The following NDFIP2 variants were observed in gnomAD, a reference collection of about 807,000 sequenced individuals.
NDFIP2 encodes the protein NEDD4 family-interacting protein 2.
NDFIP2 carries 19 observed loss-of-function variants against 36.0 expected under a neutral mutation model. The ratio of observed to expected loss-of-function variants is 0.53; its 90% CI spans 0.37 to 0.77. The LOEUF (loss-of-function observed/expected upper bound fraction) is 0.77. NDFIP2 is among the 30% of genes least tolerant of loss of function. NDFIP2 has a pLI of 0.00. For synonymous variants in NDFIP2, 181 were observed against 167.7 expected, an observed-to-expected ratio of 1.08 and a Z score of -0.61; for missense variants, 446 against 435.8, an observed-to-expected ratio of 1.02 and a Z score of -0.21.
chr13:79,545,262 GT>G (rs1212347744), intron 5 of NDFIP2, among the ~76,000 whole-genome samples: 11 of 152,248 alleles, frequency 7.2e-5, no homozygotes, highest in Admixed American at 7.2e-4. Context: ...TAAGAAAGAA[GT>G]TAATGCATCT....
chr13:79,551,098 C>G lies in NDFIP2; in HGVS notation c.989C>G (p.Thr330Arg). 1.3e-6 allele frequency: 2 copies of G among 1,596,960 alleles called. No homozygotes were observed. Among genetic ancestry groups the G allele is most frequent in the Non-Finnish European group, 1.7e-6 (2 of 1,169,626 alleles). The change falls in exon 7 of 8, where the codon ACA becomes AGA. Residue 330 changes from threonine to arginine, a missense_variant. By Grantham distance (71) the Thr-to-Arg change is moderately conservative. Around this residue, in one of 2 missense-constraint regions of NDFIP2, gnomAD observed 77 missense variants for 131.0 expected, o/e 0.59. Coordinates refer to ENST00000218652, the MANE Select transcript of NDFIP2 (RefSeq NM_019080.3). ...GAAAGTATGGCAGCTGCTCATAGAACAAGGTATTTCTTCTTATTGTAGAGG... is the reference window on the plus strand; with the variant it reads ...GAAAGTATGGCAGCTGCTCATAGAAGAAGGTATTTCTTCTTATTGTAGAGG... Reference protein sequence around the residue: ...MSESMAAAHRTRYFFLL With the variant: ...MSESMAAAHRRRYFFLL
At chr13:79,523,728 G>T (rs1489909287) in intron 2 of NDFIP2, among the ~76,000 whole-genome samples, 1 of 152,158 alleles carries the variant, frequency 6.6e-6, no homozygotes, top group Non-Finnish European at 1.5e-5. Context: ...TATATGATGA[G>T]ATGAAGTGAG....
intron 1 of NDFIP2, among the ~76,000 whole-genome samples, chr13:79,512,871 T>C (rs1042480961): frequency 2.0e-5 from 3 of 152,244 alleles, no homozygotes; most frequent in African/African-American, 4.8e-5. Flanking sequence ...GGGCTGGTCC[T>C]GTGGTTGTAG....
Position 79,481,175 on chromosome 13 carries a change from C to G in NDFIP2, c.-29C>G, listed in dbSNP as rs1376880283. 6.8e-7 allele frequency: 1 copy of G among 1,462,186 alleles called. No homozygotes were observed. Among genetic ancestry groups the G allele is most frequent in the South Asian group, 1.4e-5 (1 of 72,202 alleles). The allele number at this position is 1,462,186 out of a possible 1,614,324, so 90.6% of individuals were successfully genotyped here. ...GCCTTACTTTTCCATCTCCTCCCAC[C>G]CAGCTATACCCTCCCACTGGCGGCG... is the stretch of plus-strand genomic sequence containing the variant. On this transcript the variant is annotated 5_prime_UTR_variant, in exon 1 of 8. Coordinates refer to ENST00000218652, the MANE Select transcript of NDFIP2 (RefSeq NM_019080.3).
At chr13:79,517,779 A>G (rs868067657) in intron 1 of NDFIP2, among the ~76,000 whole-genome samples, 1 of 152,264 alleles carries the variant, frequency 6.6e-6, no homozygotes, top group South Asian at 2.1e-4. Flanking sequence ...CATTTTAGTT[A>G]TTTGAGTAAA....
In NDFIP2 at chr13:79,481,427, T is replaced by G. The variant is rs1594835528; in HGVS notation, c.224T>G (p.Val75Gly). 6.4e-7 allele frequency: 1 copy of G among 1,559,388 alleles called. No homozygotes were observed. The highest frequency in any genetic ancestry group is 8.7e-7 in the Non-Finnish European group (1 of 1,151,502). Reference protein sequence around the residue: ...AATTSSTGVAVGAEHGEDSLS... With the variant: ...AATTSSTGVAGGAEHGEDSLS... ...ACGACGTCGTCGACGGGGGTGGCCG[T>G]GGGAGCTGAGCACGGAGAAGACTCC... Residue 75 changes from valine (V) to glycine (G), a missense_variant, in exon 1 of 8, where the codon GTG becomes GGG. Physicochemically the swap from Val to Gly is moderately radical, Grantham distance 109. Around this residue, in one of 2 missense-constraint regions of NDFIP2, gnomAD observed 369 missense variants for 304.8 expected, o/e 1.21. Transcript: ENST00000218652.
chr13:79,490,170 T>C (rs996012462), intron 1 of NDFIP2, among the ~76,000 whole-genome samples: 4 of 152,158 alleles, frequency 2.6e-5, no homozygotes, highest in Admixed American at 6.5e-5. Context: ...GAGGTCAGAC[T>C]GAGCCACAGG....
At chr13:79,519,112 T>C (rs1471012166) in intron 1 of NDFIP2, 1 of 152,214 alleles carries the variant, frequency 6.6e-6, no homozygotes, top group Non-Finnish European at 1.5e-5. Flanking sequence ...CAGTCCAACA[T>C]GCTGTTCTTT....
Position 79,553,172 on chromosome 13 carries a change from CTAAA to C in NDFIP2, c.*662_*665del, listed in dbSNP as rs1324921771. The C allele has an allele frequency of 2.0e-5, 3 of 151,018 alleles. No individual in the cohort carries two copies. Among genetic ancestry groups the C allele is most frequent in the Non-Finnish European group, 4.5e-5 (3 of 67,318 alleles). The allele number at this position is 151,018 out of a possible 1,614,324, so 9.4% of individuals were successfully genotyped here. A position where few individuals can be genotyped will look rare whatever the true frequency, so the allele number is the denominator to read the frequency against. On this transcript the variant is annotated 3_prime_UTR_variant, in exon 8 of 8. Coordinates refer to ENST00000218652, the MANE Select transcript of NDFIP2 (RefSeq NM_019080.3). ...TTTCACTAATTTTAAATTAAGTGAA[CTAAA>C]TATATATGTGTATATGTATACACAT...
In NDFIP2 at chr13:79,551,112, T is replaced by G. The variant is rs1566670141; in HGVS notation, c.1003T>G (p.Leu335Val). The change falls in exon 7 of 8, where the codon TTA becomes GTA. Residue 335 changes from leucine (L) to valine (V), a missense_variant. This residue lies in a region of NDFIP2 where 77 missense variants were observed against 131.0 expected (regional missense o/e 0.59). Transcript: ENST00000218652. ...AAAHRTRYFF[L>V]L ...TGCTCATAGAACAAGGTATTTCTTC[T>G]TATTGTAGAGGTAAGAAATATTAAT... is the stretch of plus-strand genomic sequence containing the variant. 1 of 1,588,342 alleles carries G rather than the reference T, an allele frequency of 6.3e-7. No homozygotes were observed. Among genetic ancestry groups the G allele is most frequent in the Admixed American group, 1.7e-5 (1 of 57,242 alleles).
rs1026499439 is a variant in NDFIP2, at chr13:79,533,110, G to C, written c.488-213G>C. On this transcript the variant is annotated intron_variant, in intron 2 of 7. Transcript: ENST00000218652. ...TTGTTTAGTGTATTAGCCTTTAAAC[G>C]GTATTTATCCATTCTTTCTCTTTAT... 2.0e-5 allele frequency among the ~76,000 whole-genome samples: 3 copies of C among 152,056 alleles called. 1 individual carries two copies. In the South Asian group the frequency reaches 6.2e-4, roughly 32 times the overall value.
Position 79,539,576 on chromosome 13 carries a change from A to G in NDFIP2, c.622-106A>G, listed in dbSNP as rs144441596. On this transcript the variant is annotated intron_variant, in intron 3 of 7. Transcript: ENST00000218652. ...ATTGTACTCATTATTGCATTTGTCT[A>G]TACAACAAATTGAGAACATTAGATG... 452 of 833,698 alleles carry G rather than the reference A, an allele frequency of 5.4e-4. 3 individuals are homozygous for G. In the African/African-American group the frequency reaches 6.7e-3, roughly 12 times the overall value. 51.6% of individuals were successfully genotyped at this position (833,698 alleles called of 1,614,324 possible).
chr13:79,524,590 A>G (rs1874717496), intron 2 of NDFIP2, among the ~76,000 whole-genome samples: 1 of 152,216 alleles, frequency 6.6e-6, no homozygotes, highest in Non-Finnish European at 1.5e-5. Flanking sequence ...TCATTTTCAT[A>G]GCAAACAGAT....
chr13:79,552,474 C>T (rs1018205507), intron 7 of NDFIP2, 42 bp from the exon 8 acceptor site: 1 of 151,726 alleles, frequency 6.6e-6, no homozygotes, highest in Non-Finnish European at 1.5e-5. Context: ...TAGATAAAGA[C>T]AACTTAATAC....
At chr13:79,523,306 C>T (rs925811103) in intron 2 of NDFIP2, among the ~76,000 whole-genome samples, 2 of 152,148 alleles carry the variant, frequency 1.3e-5, no homozygotes, top group East Asian at 1.9e-4. Context: ...CTGCAACCTT[C>T]ACCTCCTGGG....
chr13:79,507,602 T>C (rs1479689516), intron 1 of NDFIP2, among the ~76,000 whole-genome samples: 1 of 149,554 alleles, frequency 6.7e-6, no homozygotes, highest in Admixed American at 6.7e-5. Context: ...TGTCTTGTTT[T>C]CATCATGGGG....
intron 1 of NDFIP2, among the ~76,000 whole-genome samples, chr13:79,509,868 C>T (rs1233830972): frequency 6.6e-6 from 1 of 152,106 alleles, no homozygotes; most frequent in Non-Finnish European, 1.5e-5. Flanking sequence ...AGCAGGGCAG[C>T]TAGGCCAGTC....
chr13:79,507,458 T>G lies in NDFIP2; in HGVS notation c.322-13352T>G, dbSNP rs1873913099. Among the ~76,000 whole-genome samples the G allele has an allele frequency of 3.1e-5, 2 of 65,572 alleles. 1 individual carries two copies. The highest frequency in any genetic ancestry group is 4.9e-5 in the Non-Finnish European group (2 of 41,156). 43.0% of individuals were successfully genotyped at this position (65,572 alleles called of 152,430 possible). A position where few individuals can be genotyped will look rare whatever the true frequency, so the allele number is the denominator to read the frequency against. On this transcript the variant is annotated intron_variant, in intron 1 of 7. Transcript: ENST00000218652. The stretch of plus-strand genomic sequence containing the variant: ...CCGGCTAATTTTTTTGTATTTTTAG[T>G]AGAGACGGGGTTTCACCGTTTTAGC...
chr13:79,524,069 A>G (rs1566662457), intron 2 of NDFIP2, among the ~76,000 whole-genome samples: 1 of 152,164 alleles, frequency 6.6e-6, no homozygotes, highest in African/African-American at 2.4e-5. Flanking sequence ...GCCATTTGAA[A>G]CACTTCAGCA....
Sources: gnomAD v4.1 joint callset for allele counts (sites outside exome capture counted in the v4.1 genomes callset) on GRCh38, gnomAD v4.1.1 for gene constraint, gnomAD v4.1.1 regional missense constraint, MANE v1.5 for transcripts, NCBI Gene and HGNC (gene_info 2026-07-23, HGNC 2026-07-21) for gene names.